CTNNA3: variants seen among roughly 807,000 people sequenced by gnomAD.
The protein encoded by CTNNA3 is catenin alpha 3, also known as catenin alpha-3.
In CTNNA3, 76 loss-of-function variants were observed where a neutral mutation model predicts 95.7. That is an observed-to-expected ratio of 0.79 (90% confidence interval 0.66 to 0.96). The LOEUF is 0.96. Among genes scored for constraint, CTNNA3 ranks in the 40% least tolerant of loss-of-function variants. The pLI, the probability that CTNNA3 is intolerant of heterozygous loss-of-function variation, is 0.00. For missense variants in CTNNA3, 1,191 were observed against 1,089.8 expected (o/e 1.09, Z -1.31); for synonymous variants, 431 against 374.4 (o/e 1.15, Z -1.74).
At chr10:66,150,107 T>C (rs916064265) in intron 13 of CTNNA3, among the ~76,000 whole-genome samples, 4 of 152,226 alleles carry the variant, frequency 2.6e-5, no homozygotes, top group Admixed American at 1.3e-4. Flanking sequence ...CATCTTGAAT[T>C]GTAACTCACA....
chr10:67,619,916 G>T (rs1843773418), intron 2 of CTNNA3, among the ~76,000 whole-genome samples: 1 of 152,098 alleles, frequency 6.6e-6, no homozygotes, highest in Non-Finnish European at 1.5e-5. Flanking sequence ...TAAATGGGTA[G>T]AGAGAAGGTC....
intron 17 of CTNNA3, among the ~76,000 whole-genome samples, chr10:65,944,475 A>C: frequency 6.6e-6 from 1 of 152,236 alleles, no homozygotes; most frequent in East Asian, 1.9e-4. Flanking sequence ...TCTTCCTTCT[A>C]TTCCAGCATA....
chr10:66,348,292 A>G (rs767629084), intron 12 of CTNNA3, among the ~76,000 whole-genome samples: 1 of 152,146 alleles, frequency 6.6e-6, no homozygotes, highest in African/African-American at 2.4e-5. Flanking sequence ...CAGGCTTTGA[A>G]CAGCAGATTT....
chr10:66,200,676 A>G lies in CTNNA3; in HGVS notation c.1884+79794T>C, dbSNP rs2087339561. On this transcript the variant is annotated intron_variant, in intron 13 of 17. Coordinates refer to ENST00000433211, the MANE Select transcript of CTNNA3 (RefSeq NM_013266.4). ...TTATGACCACGGGCAGTCCTTTTATATTTCTGTTCAATCCTCCTATTTCTG... is the reference window on the plus strand; with the variant it reads ...TTATGACCACGGGCAGTCCTTTTATGTTTCTGTTCAATCCTCCTATTTCTG... Among the ~76,000 whole-genome samples, 12 of 152,290 alleles carry G rather than the reference A, an allele frequency of 7.9e-5. 1 individual carries two copies. In the South Asian group the frequency reaches 2.1e-3, roughly 26 times the overall value.
At chr10:67,644,244 T>C (rs1839632508) in intron 2 of CTNNA3, among the ~76,000 whole-genome samples, 1 of 152,198 alleles carries the variant, frequency 6.6e-6, no homozygotes, top group Admixed American at 6.5e-5. Flanking sequence ...CGTGAGATGG[T>C]ATCTCATTGT....
At chr10:67,700,394 C>A (rs1274605950), upstream of CTNNA3, among the ~76,000 whole-genome samples, 1 of 152,210 alleles carries the variant, frequency 6.6e-6, no homozygotes, top group East Asian at 1.9e-4. Context: ...GGCAGACTGA[C>A]ACCTCACACG....
chr10:66,502,504 T>C (rs1840311352), intron 11 of CTNNA3, among the ~76,000 whole-genome samples: 1 of 152,130 alleles, frequency 6.6e-6, no homozygotes, highest in Admixed American at 6.5e-5. Context: ...TAGATAACAC[T>C]GAAGTCCTAT....
rs1386346645 is a variant in CTNNA3, at chr10:67,321,490, C to T, written c.580-101620G>A. Among the ~76,000 whole-genome samples, 19 of 152,098 alleles carry T rather than the reference C, an allele frequency of 1.2e-4. 1 individual carries two copies. The highest frequency in any genetic ancestry group is 1.2e-3 in the Admixed American group (19 of 15,250). ...TAAGTGCCATCCTAGACCAATGGGA[C>T]GGGTCTCAACAGGCAGATCAGCGGC... On this transcript the variant is annotated intron_variant, in intron 5 of 17. Transcript: ENST00000433211.
rs1296565808 is a variant in CTNNA3 at position 65,915,535 on chromosome 10, A to G, written c.*4795T>C. The G allele has an allele frequency of 6.6e-6, 1 of 152,114 alleles. No individual in the cohort carries two copies. Among genetic ancestry groups the G allele is most frequent in the Non-Finnish European group, 1.5e-5 (1 of 68,014 alleles). 9.4% of individuals were successfully genotyped at this position (152,114 alleles called of 1,614,324 possible). ...CTCCAACTTACCAAACTCATATTGA[A>G]TATCAATCCATGTGTTTTGTTCCCA... On this transcript the variant is annotated 3_prime_UTR_variant, in exon 18 of 18. Coordinates refer to ENST00000433211, the MANE Select transcript of CTNNA3 (RefSeq NM_013266.4).
intron 7 of CTNNA3, among the ~76,000 whole-genome samples, chr10:67,120,639 G>T (rs992364781): frequency 6.6e-6 from 1 of 151,994 alleles, no homozygotes; most frequent in African/African-American, 2.4e-5. Flanking sequence ...GCACCCTCCT[G>T]CATGACAAGG....
Position 66,847,354 on chromosome 10 carries a change from A to G in CTNNA3, c.1048-71830T>C, listed in dbSNP as rs544464313. 3.3e-5 allele frequency among the ~76,000 whole-genome samples: 5 copies of G among 152,356 alleles called. No individual in the cohort carries two copies. In the South Asian group the frequency reaches 1.0e-3, roughly 32 times the overall value. ...GAAGCCAGAAATAAAATTATACAGA[A>G]AACATGGTGACCAACTATATTTTGA... On this transcript the variant is annotated intron_variant, in intron 7 of 17. Coordinates refer to ENST00000433211, the MANE Select transcript of CTNNA3 (RefSeq NM_013266.4).
At chr10:67,492,035 A>G (rs78080056) in intron 5 of CTNNA3, among the ~76,000 whole-genome samples, 2,600 of 152,248 alleles carry the variant, frequency 0.017, 78 homozygotes, top group African/African-American at 0.057. Flanking sequence ...AGAAATAAAG[A>G]TATGGGAATC....
At chr10:67,292,018 T>C (rs1006686838) in intron 5 of CTNNA3, among the ~76,000 whole-genome samples, 1 of 152,228 alleles carries the variant, frequency 6.6e-6, no homozygotes, top group African/African-American at 2.4e-5. Context: ...AAAAGTTTAC[T>C]ACCTAATGCT....
In CTNNA3 at chr10:66,825,917, C is replaced by T. The variant is rs79747625; in HGVS notation, c.1048-50393G>A. Among the ~76,000 whole-genome samples the T allele has an allele frequency of 3.7e-3, 567 of 152,314 alleles. 14 individuals are homozygous for T. In the East Asian group the frequency reaches 0.063, roughly 17 times the overall value. The stretch of plus-strand genomic sequence containing the variant: ...TGTTTCAAAACACTCCTGTATTCTC[C>T]TGAAATCTTCCTTCTCTGAATTCCT... On this transcript the variant is annotated intron_variant, in intron 7 of 17. Coordinates refer to ENST00000433211, the MANE Select transcript of CTNNA3 (RefSeq NM_013266.4).
intron 5 of CTNNA3, among the ~76,000 whole-genome samples, chr10:67,283,816 G>A (rs113856357): frequency 1.8e-4 from 28 of 152,134 alleles, no homozygotes; most frequent in Non-Finnish European, 3.5e-4. Context: ...AGAATTGAAG[G>A]TTGCTGCGGA....
rs2077011054 is a variant in CTNNA3, at chr10:65,916,628, A to C, written c.*3702T>G. On this transcript the variant is annotated 3_prime_UTR_variant, in exon 18 of 18. Coordinates refer to ENST00000433211, the MANE Select transcript of CTNNA3 (RefSeq NM_013266.4). The stretch of plus-strand genomic sequence containing the variant: ...ATAATGTTGCTGGAAATTAAAATTC[A>C]TAATTTTGACTAAAACTCTGTAAAA... 6.6e-6 allele frequency: 1 copy of C among 152,214 alleles called. No homozygotes were observed. Among genetic ancestry groups the C allele is most frequent in the South Asian group, 2.1e-4 (1 of 4,838 alleles). The allele number at this position is 152,214 out of a possible 1,614,324, so 9.4% of individuals were successfully genotyped here.
intron 16 of CTNNA3, among the ~76,000 whole-genome samples, chr10:65,984,880 T>C (rs1353242358): frequency 6.6e-6 from 1 of 151,212 alleles, no homozygotes; most frequent in Non-Finnish European, 1.5e-5. Context: ...AATAAGATTC[T>C]AAAATAAAGA....
chr10:66,111,143 G>A (rs898336676), intron 13 of CTNNA3, among the ~76,000 whole-genome samples: 2 of 152,124 alleles, frequency 1.3e-5, no homozygotes, highest in African/African-American at 2.4e-5. Flanking sequence ...GATCACGGGG[G>A]CAGATTTCCT....
intron 16 of CTNNA3, among the ~76,000 whole-genome samples, chr10:65,979,019 T>C (rs1189468464): frequency 6.6e-6 from 1 of 152,244 alleles, no homozygotes; most frequent in Non-Finnish European, 1.5e-5. Flanking sequence ...TGTTGATTTA[T>C]GAGAGTTATA....
Sources: allele counts gnomAD v4.1 joint callset (sites outside exome capture counted in the v4.1 genomes callset), GRCh38; gene constraint gnomAD v4.1.1; transcripts MANE v1.5; gene names NCBI Gene and HGNC (gene_info 2026-07-23, HGNC 2026-07-21).